The following LARGE1 variants were observed in gnomAD, a reference collection of about 807,000 sequenced individuals.
LARGE1 encodes LARGE xylosyl- and glucuronyltransferase 1.
A neutral mutation model predicts 87.6 loss-of-function variants in LARGE1; 43 were observed. The observed-to-expected ratio is 0.49, with a 90% CI of 0.38 to 0.63. The LOEUF is 0.63. LARGE1 is among the 30% of genes least tolerant of loss of function. LARGE1 has a pLI of 0.00. For missense variants in LARGE1, 802 were observed against 1,000.2 expected (o/e 0.80, Z 2.67); for synonymous variants, 434 against 394.6 (o/e 1.10, Z -1.18).
chr22:33,412,216 G>A (rs1270145908), intron 7 of LARGE1, among the ~76,000 whole-genome samples: 6 of 151,964 alleles, frequency 3.9e-5, no homozygotes, highest in East Asian at 3.9e-4. Flanking sequence ...CCCGGGAGGC[G>A]GAGGTTGCAG....
At chr22:33,110,212 T>C in the LARGE1 span, among the ~76,000 whole-genome samples, 2 of 152,320 alleles carry the variant, frequency 1.3e-5, no homozygotes, top group South Asian at 4.1e-4. Context: ...TTGCAATGTC[T>C]ACCCCACACC....
At position 33,741,104 on chromosome 22, in the gene LARGE1, C is replaced by G. The variant is rs574980842; in HGVS notation, c.106+20267G>C. Among the ~76,000 whole-genome samples, 23 of 152,306 alleles carry G rather than the reference C, an allele frequency of 1.5e-4. No homozygotes were observed. In the South Asian group the frequency reaches 4.6e-3, roughly 30 times the overall value. On this transcript the variant is annotated intron_variant, in intron 2 of 14. Coordinates refer to ENST00000397394, the MANE Select transcript of LARGE1 (RefSeq NM_133642.5). ...TTGGGATTCATAAAAGAAGGCAAGC[C>G]TTTGTCAAAATATGTCTGCTGTGTG...
intron 6 of LARGE1, among the ~76,000 whole-genome samples, chr22:33,486,798 G>T (rs1251037271): frequency 6.6e-6 from 1 of 152,076 alleles, no homozygotes; most frequent in African/African-American, 2.4e-5. Flanking sequence ...ATGGAGAGAG[G>T]GGACCTGCAT....
At chr22:33,619,554 C>CAAAAAA (rs553269111) in intron 4 of LARGE1, among the ~76,000 whole-genome samples, 1 of 59,110 alleles carries the variant, frequency 1.7e-5, no homozygotes, top group African/African-American at 5.1e-5. Flanking sequence ...GACTCTGTCT[C>CAAAAAA]AAAAAAAAAA....
intron 5 of LARGE1, among the ~76,000 whole-genome samples, chr22:33,585,844 T>A (rs997692402): frequency 2.6e-5 from 4 of 152,106 alleles, no homozygotes; most frequent in Non-Finnish European, 5.9e-5. Flanking sequence ...TAGGTTCCTT[T>A]ATGCTCACCA....
chr22:33,303,406 G>A (rs553867223), intron 12 of LARGE1, among the ~76,000 whole-genome samples: 88 of 152,164 alleles, frequency 5.8e-4, no homozygotes, highest in Non-Finnish European at 1.2e-3. Context: ...AGAAAAGGAA[G>A]GTGATAATAC....
chr22:33,661,778 G>A lies in LARGE1; in HGVS notation c.107-11110C>T, dbSNP rs539738327. On this transcript the variant is annotated intron_variant, in intron 2 of 14. Coordinates refer to ENST00000397394, the MANE Select transcript of LARGE1 (RefSeq NM_133642.5). ...AAAAGGATCCAACAGAATGATGACC[G>A]TACATCATGAGTGTGTCTTTAATTG... 9.9e-5 allele frequency among the ~76,000 whole-genome samples: 15 copies of A among 152,148 alleles called. No individual in the cohort carries two copies. The South Asian group carries it at 1.9e-3, about 19-fold the overall frequency.
chr22:33,471,088 C>T (rs868547830), intron 6 of LARGE1, among the ~76,000 whole-genome samples: 26 of 142,452 alleles, frequency 1.8e-4, no homozygotes, highest in Admixed American at 3.8e-4. Context: ...AGTAAGGTGG[C>T]GTGATCTCTG....
At chr22:33,235,943 T>G (rs1189922388) in intron 11 of LARGE1, among the ~76,000 whole-genome samples, 1 of 152,084 alleles carries the variant, frequency 6.6e-6, no homozygotes, top group Non-Finnish European at 1.5e-5. Context: ...TGGATTAGAG[T>G]GGGGCCTAAA....
chr22:33,709,583 C>G (rs1245477096), intron 2 of LARGE1, among the ~76,000 whole-genome samples: 1 of 151,588 alleles, frequency 6.6e-6, no homozygotes, highest in African/African-American at 2.4e-5. Context: ...GTCCAGGTGG[C>G]GTGGTTGTTT....
At chr22:33,762,332 G>T (rs1325438538) in intron 1 of LARGE1, among the ~76,000 whole-genome samples, 1 of 151,718 alleles carries the variant, frequency 6.6e-6, no homozygotes, top group East Asian at 1.9e-4. Context: ...AGATGTGCAT[G>T]GACCACTCTG....
At chr22:33,670,526 C>T (rs188169510) in intron 2 of LARGE1, among the ~76,000 whole-genome samples, 95 of 152,082 alleles carry the variant, frequency 6.2e-4, no homozygotes, top group Admixed American at 1.2e-3. Flanking sequence ...AGTGGACCCA[C>T]GGGGGCACCG....
chr22:33,548,221 G>A (rs1196469388), intron 6 of LARGE1, among the ~76,000 whole-genome samples: 1 of 152,144 alleles, frequency 6.6e-6, no homozygotes, highest in Non-Finnish European at 1.5e-5. Flanking sequence ...TTTAAAAAAT[G>A]TGTGGCACCT....
At chr22:33,880,883 C>T (rs538582767) in intron 1 of LARGE1, among the ~76,000 whole-genome samples, 27 of 152,198 alleles carry the variant, frequency 1.8e-4, no homozygotes, top group East Asian at 1.7e-3. Flanking sequence ...GGGATGGAAG[C>T]GAGATTTATT....
At chr22:33,716,861 T>C (rs894758347) in intron 2 of LARGE1, among the ~76,000 whole-genome samples, 2 of 152,194 alleles carry the variant, frequency 1.3e-5, no homozygotes, top group African/African-American at 4.8e-5. Context: ...CCTGCAAATA[T>C]GAGAAGGCGA....
At chr22:33,514,049 T>C (rs1363591365) in intron 6 of LARGE1, among the ~76,000 whole-genome samples, 1 of 152,226 alleles carries the variant, frequency 6.6e-6, no homozygotes, top group Non-Finnish European at 1.5e-5. Flanking sequence ...GGCTATACCA[T>C]ATAGCCTAGA....
At chr22:33,314,985 G>A (rs965771260) in intron 11 of LARGE1, among the ~76,000 whole-genome samples, 1 of 152,140 alleles carries the variant, frequency 6.6e-6, no homozygotes, top group African/African-American at 2.4e-5. Context: ...TCAGGTGGGA[G>A]GATCACGAGG....
At chr22:33,250,378 C>A in intron 11 of LARGE1, among the ~76,000 whole-genome samples, 1 of 152,192 alleles carries the variant, frequency 6.6e-6, no homozygotes, top group Non-Finnish European at 1.5e-5. Context: ...TGGCATCCTG[C>A]AACCTTGCTC....
intron 2 of LARGE1, among the ~76,000 whole-genome samples, chr22:33,722,760 T>A (rs1428315904): frequency 1.3e-5 from 2 of 151,456 alleles, no homozygotes; most frequent in African/African-American, 2.4e-5. Context: ...ACAAAAAAGG[T>A]GAGGTAGGTC....
Sources: allele counts gnomAD v4.1 joint callset (sites outside exome capture counted in the v4.1 genomes callset), GRCh38; gene constraint gnomAD v4.1.1; transcripts MANE v1.5; gene names NCBI Gene and HGNC (gene_info 2026-07-23, HGNC 2026-07-21).